Variants in MINDY4 observed in about 807,000 individuals in gnomAD.
MINDY4 encodes the protein MINDY lysine 48 deubiquitinase 4.
In MINDY4, 68 loss-of-function variants were observed where a neutral mutation model predicts 87.0. The observed-to-expected ratio is 0.78, with a 90% CI of 0.64 to 0.96. The LOEUF (loss-of-function observed/expected upper bound fraction) is 0.96. MINDY4 is among the 40% of genes least tolerant of loss of function. The pLI is 0.00. For missense variants in MINDY4, 919 were observed against 928.2 expected (o/e 0.99, Z 0.13); for synonymous variants, 379 against 363.2 (o/e 1.04, Z -0.50).
At position 30,875,489 on chromosome 7, in the gene MINDY4, C is replaced by A; in HGVS notation, c.1810-6C>A. The A allele has an allele frequency of 6.2e-7, 1 of 1,614,142 alleles. No individual in the cohort carries two copies. The highest frequency in any genetic ancestry group is 8.5e-7 in the Non-Finnish European group (1 of 1,179,972). ...GATGAGTCTTTCCCCTTTCTCTCAT[C>A]TGCAGGAACTTGTCAATCTGCTCCT... is the stretch of plus-strand genomic sequence containing the variant. On this transcript the variant is annotated splice_region_variant and splice_polypyrimidine_tract_variant and intron_variant, in intron 14 of 17. Coordinates refer to ENST00000265299, the MANE Select transcript of MINDY4 (RefSeq NM_032222.3).
intron 5 of MINDY4, among the ~76,000 whole-genome samples, chr7:30,823,785 G>T (rs374370162): frequency 2.0e-5 from 3 of 151,486 alleles, no homozygotes; most frequent in African/African-American, 7.3e-5. Context: ...GTGTTTAAGA[G>T]TTTTTTGTTT....
At chr7:30,853,021 C>T (rs1176446436) in intron 11 of MINDY4, among the ~76,000 whole-genome samples, 1 of 152,198 alleles carries the variant, frequency 6.6e-6, no homozygotes, top group East Asian at 1.9e-4. Flanking sequence ...CCTGGCCTGG[C>T]TATTGTGATT....
At chr7:30,822,010 A>G (rs1456216743) in intron 5 of MINDY4, among the ~76,000 whole-genome samples, 4 of 152,020 alleles carry the variant, frequency 2.6e-5, no homozygotes, top group African/African-American at 9.7e-5. Flanking sequence ...TCCCCAATAT[A>G]TATTAATCGT....
intron 5 of MINDY4, among the ~76,000 whole-genome samples, chr7:30,793,168 A>ATAATTGTT (rs747707351): frequency 0.34 from 43,717 of 128,658 alleles, 6,824 homozygotes; most frequent in African/African-American, 0.4. Context: ...AATTGTTTAT[A>ATAATTGTT]TATGTATTAT....
At chr7:30,853,606 G>A in intron 12 of MINDY4, 147 bp downstream of exon 12, 1 of 730,602 alleles carries the variant, frequency 1.4e-6, no homozygotes, top group Non-Finnish European at 2.4e-6. Flanking sequence ...CTGGCCCCTG[G>A]TTGGGGGCTG....
At chr7:30,861,052 C>T (rs1789748546) in intron 13 of MINDY4, among the ~76,000 whole-genome samples, 1 of 152,194 alleles carries the variant, frequency 6.6e-6, no homozygotes, top group Admixed American at 6.5e-5. Context: ...TGGACACACA[C>T]AGAGACACAT....
chr7:30,880,057 G>A (rs192231523), intron 15 of MINDY4, among the ~76,000 whole-genome samples: 13 of 152,188 alleles, frequency 8.5e-5, no homozygotes, highest in African/African-American at 2.9e-4. Context: ...CATAAGGACA[G>A]CACTGTTCTT....
intron 6 of MINDY4, among the ~76,000 whole-genome samples, chr7:30,830,206 G>A (rs1320028822): frequency 2.6e-5 from 4 of 152,136 alleles, no homozygotes; most frequent in African/African-American, 9.7e-5. Context: ...ACCTGCCAGC[G>A]CATATGCAAG....
intron 5 of MINDY4, among the ~76,000 whole-genome samples, chr7:30,811,372 A>G (rs1300186456): frequency 6.6e-6 from 1 of 152,216 alleles, no homozygotes; most frequent in African/African-American, 2.4e-5. Context: ...AAATGATAAA[A>G]AGCTTCATCG....
Position 30,785,810 on chromosome 7 carries a change from A to G in MINDY4, c.481A>G (p.Lys161Glu). Residue 161 changes from lysine to glutamate, a missense_variant, in exon 4 of 18, where the codon AAA (lysine) becomes GAA (glutamate). Transcript: ENST00000265299. ...TGTATCATCTAAAAGGCCCCCGCAC[A>G]AAAGTAAGCCCATGCAGACGGTCCC... ...NFVSSKRPPH[K>E]SKPMQTVPGE... 6.2e-7 allele frequency: 1 copy of G among 1,614,240 alleles called. No homozygotes were observed. Among genetic ancestry groups the G allele is most frequent in the Non-Finnish European group, 8.5e-7 (1 of 1,180,040 alleles).
chr7:30,850,715 CA>C (rs1209521596), intron 10 of MINDY4, among the ~76,000 whole-genome samples, 160 bp downstream of exon 10: 1 of 152,238 alleles, frequency 6.6e-6, no homozygotes, highest in African/African-American at 2.4e-5. Flanking sequence ...TGAGCAGCCG[CA>C]GACTCAGGGA....
intron 5 of MINDY4, among the ~76,000 whole-genome samples, chr7:30,797,221 C>A (rs777015054): frequency 1.3e-5 from 2 of 152,248 alleles, no homozygotes; most frequent in Non-Finnish European, 1.5e-5. Flanking sequence ...AGCCAGTCAG[C>A]TGTGAACAAA....
intron 9 of MINDY4, among the ~76,000 whole-genome samples, chr7:30,847,511 C>T (rs1200211964): frequency 6.6e-6 from 1 of 151,754 alleles, no homozygotes; most frequent in Non-Finnish European, 1.5e-5. Flanking sequence ...GCTCTCCTTC[C>T]TTCCTCAGTG....
intron 10 of MINDY4, 57 bp downstream of exon 10, chr7:30,850,612 C>T: frequency 6.7e-7 from 1 of 1,484,758 alleles, no homozygotes. Flanking sequence ...CAGCTGCCGG[C>T]AAGCTGGCTG....
intron 5 of MINDY4, 54 bp downstream of exon 5, chr7:30,791,628 CAT>C (rs980919941): frequency 1.6e-5 from 25 of 1,535,782 alleles, no homozygotes; most frequent in Non-Finnish European, 1.9e-5. Context: ...CCACCTCTCA[CAT>C]GTTGTCTAGT....
At chr7:30,832,659 GC>G (rs1788740150) in intron 6 of MINDY4, among the ~76,000 whole-genome samples, 1 of 152,238 alleles carries the variant, frequency 6.6e-6, no homozygotes, top group African/African-American at 2.4e-5. Flanking sequence ...ACAGGCCCGT[GC>G]CACCACACCT....
At chr7:30,835,854 T>C (rs1296980658) in intron 6 of MINDY4, among the ~76,000 whole-genome samples, 3 of 152,234 alleles carry the variant, frequency 2.0e-5, no homozygotes, top group Admixed American at 6.5e-5. Flanking sequence ...CGGCAGCAGG[T>C]GTAATGACAA....
chr7:30,841,624 T>C (rs377239980), intron 9 of MINDY4, among the ~76,000 whole-genome samples: 8 of 151,494 alleles, frequency 5.3e-5, no homozygotes, highest in African/African-American at 1.9e-4. Flanking sequence ...CTTCTGGCAA[T>C]TGGCCTTTTT....
chr7:30,814,885 A>G lies in MINDY4; in HGVS notation c.1074-13794A>G, dbSNP rs181786809. ...CAGAGCTGTTTCGAACATGTGGCTCACAGCTCTTATATAAATGCTTACGCA... is the reference window on the plus strand; with the variant it reads ...CAGAGCTGTTTCGAACATGTGGCTCGCAGCTCTTATATAAATGCTTACGCA... On this transcript the variant is annotated intron_variant, in intron 5 of 17. Coordinates refer to ENST00000265299, the MANE Select transcript of MINDY4 (RefSeq NM_032222.3). Among the ~76,000 whole-genome samples the G allele has an allele frequency of 3.7e-3, 560 of 152,378 alleles. 4 individuals carry two copies. Among genetic ancestry groups the G allele is most frequent in the Non-Finnish European group, 6.5e-3 (440 of 68,022 alleles).
Sources: allele counts gnomAD v4.1 joint callset (sites outside exome capture counted in the v4.1 genomes callset), GRCh38; gene constraint gnomAD v4.1.1; transcripts MANE v1.5; gene names NCBI Gene and HGNC (gene_info 2026-07-23, HGNC 2026-07-21).